PRXL2C: variants seen among roughly 807,000 people sequenced by gnomAD.
PRXL2C encodes peroxiredoxin-like 2C.
In PRXL2C, 38 loss-of-function variants were observed where a neutral mutation model predicts 24.9. The observed-to-expected ratio is 1.53, with a 90% CI of 1.18 to 2.00. The LOEUF is 2.00. Ranked by LOEUF, PRXL2C falls within the 30% of genes most tolerant of loss-of-function variation. The pLI is 0.00. For missense variants in PRXL2C, 294 were observed against 290.9 expected (o/e 1.01, Z -0.08); for synonymous variants, 98 against 117.2 (o/e 0.84, Z 1.06).
intron 2 of PRXL2C, among the ~76,000 whole-genome samples, chr9:96,654,092 G>A (rs889787252): frequency 2.0e-5 from 3 of 152,074 alleles, no homozygotes; most frequent in Non-Finnish European, 4.4e-5. Context: ...CGCCCTCCTC[G>A]GCCTCCCAAA....
At chr9:96,645,149 T>C (rs1588100721) in intron 5 of PRXL2C, among the ~76,000 whole-genome samples, 2 of 151,610 alleles carry the variant, frequency 1.3e-5, no homozygotes, top group Non-Finnish European at 2.9e-5. Flanking sequence ...GACCTCGTGA[T>C]CCGCCCGCCT....
intron 5 of PRXL2C, among the ~76,000 whole-genome samples, chr9:96,645,525 C>G (rs112660041): frequency 6.6e-6 from 1 of 151,790 alleles, no homozygotes; most frequent in African/African-American, 2.4e-5. Context: ...GGGTGGGGCG[C>G]GGTGGCTCAT....
intron 2 of PRXL2C, among the ~76,000 whole-genome samples, chr9:96,653,032 A>G (rs9802743): frequency 1.3e-5 from 2 of 152,106 alleles, no homozygotes; most frequent in South Asian, 4.2e-4. Flanking sequence ...TGGAGACCAT[A>G]CTGGCTAACA....
chr9:96,647,906 T>C (rs1848217021), intron 4 of PRXL2C, among the ~76,000 whole-genome samples: 1 of 151,984 alleles, frequency 6.6e-6, no homozygotes, highest in Admixed American at 6.6e-5. Flanking sequence ...TTTTTTAAAA[T>C]GCAAAAGAAA....
In PRXL2C at chr9:96,651,715, T is replaced by A; in HGVS notation, c.262-3A>T. 1.2e-6 allele frequency: 2 copies of A among 1,604,592 alleles called. No individual in the cohort carries two copies. Among genetic ancestry groups the A allele is most frequent in the African/African-American group, 1.3e-5 (1 of 74,524 alleles). On this transcript the variant is annotated splice_region_variant and splice_polypyrimidine_tract_variant and intron_variant, in intron 2 of 5. Transcript: ENST00000375234. Reference sequence around the variant, plus strand: ...ACTATAAGGGTGACATTTGCTTCCTTAGGAGAAAAAAAAGGACATGTATAT... The same window carrying A: ...ACTATAAGGGTGACATTTGCTTCCTAAGGAGAAAAAAAAGGACATGTATAT...
intron 5 of PRXL2C, among the ~76,000 whole-genome samples, chr9:96,643,515 G>C (rs1437232305): frequency 1.3e-5 from 2 of 152,066 alleles, no homozygotes; most frequent in African/African-American, 4.8e-5. Context: ...CAAAGTGTTG[G>C]GATTACAGGT....
rs148774371 is a variant in PRXL2C, at chr9:96,641,806, C to T, written c.634G>A (p.Val212Ile). Residue 212 changes from valine (V) to isoleucine (I), a missense_variant, in exon 6 of 6, where the codon GTT (valine) becomes ATT (isoleucine). Val to Ile is a conservative substitution (Grantham distance 29). Coordinates refer to ENST00000375234, the MANE Select transcript of PRXL2C (RefSeq NM_153698.2). ...PINSVLQLVG[V>I]QHVNFTNRPS... Reference sequence around the variant, plus strand: ...CTGTTTGTAAAGTTCACATGCTGAACTCCTACAAGCTGTAAAACAGAGTTG... The same window carrying T: ...CTGTTTGTAAAGTTCACATGCTGAATTCCTACAAGCTGTAAAACAGAGTTG... 3.8e-6 allele frequency: 6 copies of T among 1,581,486 alleles called. No individual in the cohort carries two copies. The highest frequency in any genetic ancestry group is 5.2e-6 in the Non-Finnish European group (6 of 1,155,924).
intron 4 of PRXL2C, among the ~76,000 whole-genome samples, chr9:96,646,677 T>C (rs1002596656): frequency 4.6e-5 from 7 of 152,190 alleles, no homozygotes; most frequent in African/African-American, 1.7e-4. Context: ...TCATATTCCT[T>C]CTACATTCTT....
chr9:96,652,390 A>C (rs1848278946), intron 2 of PRXL2C, among the ~76,000 whole-genome samples: 1 of 152,028 alleles, frequency 6.6e-6, no homozygotes, highest in Non-Finnish European at 1.5e-5. Flanking sequence ...GTGTGGTGGC[A>C]TGTGCCTGTA....
At chr9:96,650,815 C>T (rs950991402) in intron 4 of PRXL2C, among the ~76,000 whole-genome samples, 1 of 138,230 alleles carries the variant, frequency 7.2e-6, no homozygotes, top group South Asian at 2.1e-4. Context: ...CATGTGCGCA[C>T]GCGTGCACAC....
chr9:96,643,518 T>A (rs868339393), intron 5 of PRXL2C, among the ~76,000 whole-genome samples: 6 of 152,142 alleles, frequency 3.9e-5, no homozygotes, highest in African/African-American at 1.4e-4. Context: ...AGTGTTGGGA[T>A]TACAGGTGTG....
chr9:96,650,795 C>T (rs973340862), intron 4 of PRXL2C, among the ~76,000 whole-genome samples: 2 of 152,094 alleles, frequency 1.3e-5, no homozygotes, highest in African/African-American at 2.4e-5. Context: ...TCTTTTAAAA[C>T]CTATTTCATC....
Position 96,641,794 on chromosome 9 carries a change from T to G in PRXL2C, c.646A>C (p.Asn216His). 1 of 1,583,222 alleles carries G rather than the reference T, an allele frequency of 6.3e-7. No individual in the cohort carries two copies. The highest frequency in any genetic ancestry group is 8.6e-7 in the Non-Finnish European group (1 of 1,156,984). The stretch of plus-strand genomic sequence containing the variant: ...ATAACTGAAGGTCTGTTTGTAAAGT[T>G]CACATGCTGAACTCCTACAAGCTGT... ...VLQLVGVQHV[N>H]FTNRPSVIHV The change falls in exon 6 of 6, where the codon AAC (asparagine) becomes CAC (histidine). Residue 216 changes from asparagine to histidine, a missense_variant. Asn to His is a moderately conservative substitution (Grantham distance 68). Coordinates refer to ENST00000375234, the MANE Select transcript of PRXL2C (RefSeq NM_153698.2).
At chr9:96,654,567 T>TA in intron 2 of PRXL2C, 138 bp downstream of exon 2, 1 of 721,898 alleles carries the variant, frequency 1.4e-6, no homozygotes, top group Non-Finnish European at 2.3e-6. Flanking sequence ...CTCACTCCTT[T>TA]TGGAGGGGCG....
Position 96,655,311 on chromosome 9 carries a change from C to G in PRXL2C, c.-30G>C. On this transcript the variant is annotated 5_prime_UTR_variant, in exon 1 of 6. Coordinates refer to ENST00000375234, the MANE Select transcript of PRXL2C (RefSeq NM_153698.2). ...CGGGGCGGCCGAGGGCCTGGGTCCG[C>G]TCTGTCAGCGCGGACCGGGGCGGGG... is the stretch of plus-strand genomic sequence containing the variant. The G allele has an allele frequency of 9.7e-7, 1 of 1,035,876 alleles. No homozygotes were observed. Among genetic ancestry groups the G allele is most frequent in the Non-Finnish European group, 1.2e-6 (1 of 862,848 alleles). 64.2% of individuals were successfully genotyped at this position (1,035,876 alleles called of 1,614,324 possible).
intron 2 of PRXL2C, 56 bp downstream of exon 2, chr9:96,654,649 C>A: frequency 5.9e-6 from 9 of 1,513,982 alleles, no homozygotes; most frequent in Non-Finnish European, 8.1e-6. Context: ...CCTCCCCCGC[C>A]CCGCTCGCAA....
At chr9:96,646,168 T>C in intron 4 of PRXL2C, 144 bp from the exon 5 acceptor site, 1 of 957,002 alleles carries the variant, frequency 1.0e-6, no homozygotes, top group East Asian at 2.8e-5. Flanking sequence ...GCTCAGATCA[T>C]TCTTTGTCCT....
At chr9:96,645,648 T>C (rs1394010135) in intron 5 of PRXL2C, among the ~76,000 whole-genome samples, 2 of 151,718 alleles carry the variant, frequency 1.3e-5, no homozygotes, top group African/African-American at 2.4e-5. Flanking sequence ...ATTTAAAAAA[T>C]TAGCCGGGCG....
At chr9:96,644,392 A>G (rs893475654) in intron 5 of PRXL2C, among the ~76,000 whole-genome samples, 2 of 152,192 alleles carry the variant, frequency 1.3e-5, no homozygotes, top group Non-Finnish European at 2.9e-5. Context: ...ACATCTGTTC[A>G]AACACTTAGC....
Sources: allele counts gnomAD v4.1 joint callset (sites outside exome capture counted in the v4.1 genomes callset), GRCh38; gene constraint gnomAD v4.1.1; transcripts MANE v1.5; gene names NCBI Gene and HGNC (gene_info 2026-07-23, HGNC 2026-07-21).